TMEM132D: variants seen among roughly 807,000 people sequenced by gnomAD.
TMEM132D encodes transmembrane protein 132D.
A neutral mutation model predicts 62.3 loss-of-function variants in TMEM132D; 21 were observed. The ratio of observed to expected loss-of-function variants is 0.34; its 90% CI spans 0.24 to 0.49. The LOEUF is 0.49. Among genes scored for constraint, TMEM132D ranks in the 20% least tolerant of loss-of-function variants. The pLI is 0.99. For missense variants in TMEM132D, 1,346 were observed against 1,402.8 expected (o/e 0.96, Z 0.65); for synonymous variants, 621 against 575.6 (o/e 1.08, Z -1.13).
intron 1 of TMEM132D, among the ~76,000 whole-genome samples, chr12:129,707,283 T>C (rs547798462): frequency 6.7e-6 from 1 of 149,624 alleles, no homozygotes; most frequent in African/African-American, 2.4e-5. Context: ...ATGTGATAGA[T>C]TGTTAAAAAA....
intron 2 of TMEM132D, among the ~76,000 whole-genome samples, chr12:129,682,013 A>G (rs903335745): frequency 1.3e-5 from 2 of 152,232 alleles, no homozygotes; most frequent in Non-Finnish European, 2.9e-5. Flanking sequence ...ATCTTGCACT[A>G]GAATGTGCTG....
intron 2 of TMEM132D, among the ~76,000 whole-genome samples, chr12:129,571,268 T>C (rs1877504686): frequency 6.6e-6 from 1 of 152,092 alleles, no homozygotes; most frequent in Non-Finnish European, 1.5e-5. Context: ...TGTCTAAGTG[T>C]TAGTTTGAAA....
chr12:129,154,159 T>C (rs916060651), intron 5 of TMEM132D, among the ~76,000 whole-genome samples: 3 of 152,112 alleles, frequency 2.0e-5, no homozygotes, highest in African/African-American at 7.2e-5. Flanking sequence ...GCTCTGAAGA[T>C]CCAGTGAAGG....
intron 5 of TMEM132D, among the ~76,000 whole-genome samples, chr12:129,195,049 A>G (rs1878510097): frequency 6.6e-6 from 1 of 152,244 alleles, no homozygotes; most frequent in African/African-American, 2.4e-5. Context: ...TGGACAATGA[A>G]CAGATAACAA....
At position 129,524,920 on chromosome 12, in the gene TMEM132D, C is replaced by CTTTT. The variant is rs761892015; in HGVS notation, c.1115+6135_1115+6138dup. 3.7e-3 allele frequency among the ~76,000 whole-genome samples: 338 copies of CTTTT among 92,066 alleles called. 55 individuals are homozygous for CTTTT. Among genetic ancestry groups the CTTTT allele is most frequent in the South Asian group, 0.011 (25 of 2,334 alleles). The allele number at this position is 92,066 out of a possible 152,430, so 60.4% of individuals were successfully genotyped here. A position where few individuals can be genotyped will look rare whatever the true frequency, so the allele number is the denominator to read the frequency against. On this transcript the variant is annotated intron_variant, in intron 3 of 8. Coordinates refer to ENST00000422113, the MANE Select transcript of TMEM132D (RefSeq NM_133448.3). ...CATTTTATTATTTTCATATTTTTTT[C>CTTTT]TTTTTTCTTTTTTTTTTTTTTTTTG...
At chr12:129,148,211 C>T (rs1426324973) in intron 5 of TMEM132D, among the ~76,000 whole-genome samples, 1 of 152,112 alleles carries the variant, frequency 6.6e-6, no homozygotes, top group Non-Finnish European at 1.5e-5. Context: ...AATTGGTGCT[C>T]AGTATTTGCT....
chr12:129,672,035 G>C (rs920024732), intron 2 of TMEM132D, among the ~76,000 whole-genome samples: 5 of 152,210 alleles, frequency 3.3e-5, no homozygotes, highest in Non-Finnish European at 5.9e-5. Context: ...GTAATGACCT[G>C]ATCGTGCAAA....
At chr12:129,662,226 T>C (rs1880255109) in intron 2 of TMEM132D, among the ~76,000 whole-genome samples, 2 of 152,202 alleles carry the variant, frequency 1.3e-5, no homozygotes, top group Admixed American at 1.3e-4. Flanking sequence ...TTAGAGGTCT[T>C]TTTCATAGTG....
intron 1 of TMEM132D, among the ~76,000 whole-genome samples, chr12:129,849,465 G>A (rs1021057248): frequency 4.6e-5 from 7 of 152,098 alleles, no homozygotes; most frequent in Non-Finnish European, 8.8e-5. Flanking sequence ...TACAAAAATC[G>A]AATTCCTTTC....
intron 1 of TMEM132D, among the ~76,000 whole-genome samples, chr12:129,809,996 C>G (rs1013696061): frequency 1.3e-5 from 2 of 152,094 alleles, no homozygotes; most frequent in African/African-American, 2.4e-5. Flanking sequence ...AAGGAGTCCT[C>G]GCTATGGAAA....
rs142688724 is a variant in TMEM132D, at chr12:129,191,487, T to C, written c.1443+18033A>G. ...ATATGAAACTATTATAAAGGATATA[T>C]ATGAAAATAAAATATACATAAATAT... On this transcript the variant is annotated intron_variant, in intron 5 of 8. Transcript: ENST00000422113. Among the ~76,000 whole-genome samples, 185 of 151,910 alleles carry C rather than the reference T, an allele frequency of 1.2e-3. 1 individual carries two copies. Among genetic ancestry groups the C allele is most frequent in the African/African-American group, 4.1e-3 (169 of 41,454 alleles).
intron 1 of TMEM132D, among the ~76,000 whole-genome samples, chr12:129,803,688 T>A (rs1871874486): frequency 6.6e-6 from 1 of 150,538 alleles, no homozygotes; most frequent in African/African-American, 2.4e-5. Flanking sequence ...ATAACTAAAA[T>A]CAGAGCAGAA....
At chr12:129,597,330 C>A (rs747440794) in intron 2 of TMEM132D, among the ~76,000 whole-genome samples, 3 of 152,068 alleles carry the variant, frequency 2.0e-5, no homozygotes, top group Non-Finnish European at 4.4e-5. Flanking sequence ...CATTGGTAAC[C>A]AGAATGTCAT....
intron 1 of TMEM132D, among the ~76,000 whole-genome samples, chr12:129,807,356 A>G (rs2137312586): frequency 6.6e-6 from 1 of 152,238 alleles, no homozygotes; most frequent in East Asian, 1.9e-4. Flanking sequence ...GACACTGGCC[A>G]TCAATGTCTC....
intron 2 of TMEM132D, among the ~76,000 whole-genome samples, chr12:129,658,961 T>C (rs1880166035): frequency 6.6e-6 from 1 of 152,202 alleles, no homozygotes; most frequent in South Asian, 2.1e-4. Flanking sequence ...AGTGTGGTAG[T>C]ACAATCTTGG....
chr12:129,530,077 T>G (rs1242544044), intron 3 of TMEM132D, among the ~76,000 whole-genome samples: 2 of 152,016 alleles, frequency 1.3e-5, no homozygotes, highest in Admixed American at 1.3e-4. Context: ...TAATCCAAAT[T>G]CCTAAAAACC....
At chr12:129,273,637 G>T (rs1031398710) in intron 4 of TMEM132D, among the ~76,000 whole-genome samples, 9 of 151,782 alleles carry the variant, frequency 5.9e-5, no homozygotes, top group South Asian at 2.1e-4. Context: ...GCAGCTGGAG[G>T]TCATTATCCT....
chr12:129,755,116 C>G (rs909427044), intron 1 of TMEM132D, among the ~76,000 whole-genome samples: 2 of 152,228 alleles, frequency 1.3e-5, no homozygotes, highest in South Asian at 2.1e-4. Flanking sequence ...CTATTTGCCA[C>G]TGGATTGGAG....
chr12:129,539,057 G>T (rs533157764), intron 2 of TMEM132D, among the ~76,000 whole-genome samples: 6 of 152,088 alleles, frequency 3.9e-5, no homozygotes, highest in African/African-American at 1.4e-4. Context: ...TCCATGGCTG[G>T]ATGTCAGGAA....
Sources: allele counts gnomAD v4.1 joint callset (sites outside exome capture counted in the v4.1 genomes callset), GRCh38; gene constraint gnomAD v4.1.1; transcripts MANE v1.5; gene names NCBI Gene and HGNC (gene_info 2026-07-23, HGNC 2026-07-21).